GRIA2: variants seen among roughly 807,000 people sequenced by gnomAD.
The protein encoded by GRIA2 is glutamate ionotropic receptor AMPA type subunit 2, also known as glutamate receptor 2.
GRIA2 carries 14 observed loss-of-function variants against 97.3 expected under a neutral mutation model. The observed-to-expected ratio is 0.14, with a 90% CI of 0.10 to 0.23. GRIA2 has a LOEUF of 0.23. Ranked by LOEUF, GRIA2 falls within the 10% of genes least tolerant of loss-of-function variation. The probability of loss-of-function intolerance (pLI) is 1.00; values close to 1 mark genes in which losing one functional copy is unlikely to be tolerated. For missense variants in GRIA2, 558 were observed against 1,069.8 expected, an observed-to-expected ratio of 0.52 and a Z score of 6.67; for synonymous variants, 412 against 387.8, an observed-to-expected ratio of 1.06 and a Z score of -0.73.
At chr4:157,304,965 A>C (rs931508922) in intron 3 of GRIA2, among the ~76,000 whole-genome samples, 3 of 152,114 alleles carry the variant, frequency 2.0e-5, no homozygotes, top group African/African-American at 7.2e-5. Context: ...GCTGAAAAAA[A>C]ATTTGCTGTG....
intron 4 of GRIA2, among the ~76,000 whole-genome samples, chr4:157,316,449 C>T (rs1734323854): frequency 6.6e-6 from 1 of 152,140 alleles, no homozygotes; most frequent in South Asian, 2.1e-4. Context: ...AATAGCATTG[C>T]TCTGGAGCAC....
At chr4:157,272,037 A>G (rs1289222946) in intron 2 of GRIA2, among the ~76,000 whole-genome samples, 1 of 152,134 alleles carries the variant, frequency 6.6e-6, no homozygotes, top group African/African-American at 2.4e-5. Flanking sequence ...AAAATTCAAT[A>G]AACTCTGATA....
chr4:157,363,181 G>C lies in GRIA2; in HGVS notation c.*3+134G>C, dbSNP rs1038748539. Reference sequence around the variant, plus strand: ...TTGTTGACGTTCTTCCATGTTCCCAGTTGGTGACTAACCTGCAGCTCAACT... The same window carrying C: ...TTGTTGACGTTCTTCCATGTTCCCACTTGGTGACTAACCTGCAGCTCAACT... On this transcript the variant is annotated intron_variant, in intron 15 of 15. Coordinates refer to ENST00000264426, the MANE Select transcript of GRIA2 (RefSeq NM_001083619.3). The C allele has an allele frequency of 2.0e-5, 19 of 972,222 alleles. 1 individual carries two copies. The Admixed American group carries it at 4.2e-4, about 21-fold the overall frequency. The allele number at this position is 972,222 out of a possible 1,614,324, so 60.2% of individuals were successfully genotyped here. A position where few individuals can be genotyped will look rare whatever the true frequency, so the allele number is the denominator to read the frequency against.
rs1254151967 is a variant in GRIA2, at chr4:157,365,388, GT to G, written c.*1962del. ...TGTTTCCATATTGTACTTAAAATGA[GT>G]TTTTAAAAGTGAAAAAGAAATGACT... is the stretch of plus-strand genomic sequence containing the variant. On this transcript the variant is annotated 3_prime_UTR_variant, in exon 16 of 16. Transcript: ENST00000264426. 6.6e-6 allele frequency: 1 copy of G among 151,946 alleles called. No individual in the cohort carries two copies. Among genetic ancestry groups the G allele is most frequent in the African/African-American group, 2.4e-5 (1 of 41,380 alleles). 9.4% of individuals were successfully genotyped at this position (151,946 alleles called of 1,614,324 possible).
intron 11 of GRIA2, among the ~76,000 whole-genome samples, chr4:157,338,025 T>TATATATATATATATATATAC (rs1735375327): frequency 2.5e-4 from 3 of 12,040 alleles, no homozygotes; most frequent in African/African-American, 4.1e-4. Context: ...TATATATATA[T>TATATATATATATATATATAC]ATATATATAT....
chr4:157,258,191 G>T (rs1731363912), intron 2 of GRIA2, among the ~76,000 whole-genome samples: 1 of 152,060 alleles, frequency 6.6e-6, no homozygotes, highest in African/African-American at 2.4e-5. Flanking sequence ...CAGGGAACAA[G>T]GGAGATAACT....
At chr4:157,332,756 C>G in intron 6 of GRIA2, 63 bp from the exon 7 acceptor site, 1 of 1,232,844 alleles carries the variant, frequency 8.1e-7, no homozygotes, top group East Asian at 2.4e-5. Flanking sequence ...GTCTTGATTG[C>G]TGGGGTGCAG....
At chr4:157,342,355 C>T in intron 12 of GRIA2, 1 of 985,142 alleles carries the variant, frequency 1.0e-6, no homozygotes, top group Non-Finnish European at 1.2e-6. Context: ...AATAACTTCA[C>T]TTCAGCTGAA....
chr4:157,286,415 A>G (rs1271588065), intron 2 of GRIA2, among the ~76,000 whole-genome samples: 1 of 151,520 alleles, frequency 6.6e-6, no homozygotes, highest in African/African-American at 2.4e-5. Context: ...CAAACTAGTA[A>G]CAAATTATGA....
chr4:157,318,365 G>A, intron 5 of GRIA2, among the ~76,000 whole-genome samples: 1 of 152,070 alleles, frequency 6.6e-6, no homozygotes, highest in South Asian at 2.1e-4. Context: ...AGAATATTGA[G>A]ATATTATGCA....
intron 2 of GRIA2, among the ~76,000 whole-genome samples, chr4:157,288,298 C>G (rs556746133): frequency 9.9e-5 from 15 of 151,666 alleles, no homozygotes; most frequent in African/African-American, 3.6e-4. Context: ...CAGCCAAAAC[C>G]AAAACCAGTT....
At chr4:157,258,905 A>AAAAAATTG (rs1449874916) in intron 2 of GRIA2, among the ~76,000 whole-genome samples, 3 of 152,044 alleles carry the variant, frequency 2.0e-5, no homozygotes, top group Non-Finnish European at 4.4e-5. Context: ...AAGAAACAGA[A>AAAAAATTG]AAAAATTGTA....
intron 2 of GRIA2, among the ~76,000 whole-genome samples, chr4:157,287,496 A>G (rs1732897814): frequency 6.6e-6 from 1 of 151,394 alleles, no homozygotes; most frequent in Non-Finnish European, 1.5e-5. Flanking sequence ...TCCTGGTTGG[A>G]GGGTATGTTT....
intron 2 of GRIA2, among the ~76,000 whole-genome samples, chr4:157,231,679 G>A (rs1417748656): frequency 6.6e-6 from 1 of 152,170 alleles, no homozygotes; most frequent in East Asian, 1.9e-4. Flanking sequence ...TAGTAAAGTT[G>A]TCTGTTGCTT....
intron 2 of GRIA2, among the ~76,000 whole-genome samples, chr4:157,222,476 G>A (rs1729544019): frequency 6.6e-6 from 1 of 152,162 alleles, no homozygotes; most frequent in South Asian, 2.1e-4. Context: ...TGGCGTGGGG[G>A]TGGGGCGGGG....
At chr4:157,260,585 C>T (rs1392352199) in intron 2 of GRIA2, among the ~76,000 whole-genome samples, 1 of 152,028 alleles carries the variant, frequency 6.6e-6, no homozygotes, top group Non-Finnish European at 1.5e-5. Context: ...CACTTTCTCT[C>T]ACATGTCATT....
At chr4:157,311,484 A>G (rs1214310384) in intron 3 of GRIA2, among the ~76,000 whole-genome samples, 1 of 151,978 alleles carries the variant, frequency 6.6e-6, no homozygotes, top group Non-Finnish European at 1.5e-5. Flanking sequence ...CCAATATTGA[A>G]TCCATAAAAT....
intron 2 of GRIA2, chr4:157,249,879 T>C (rs1371288332): frequency 6.6e-6 from 1 of 152,196 alleles, no homozygotes; most frequent in Non-Finnish European, 1.5e-5. Context: ...GCTGTGTCTT[T>C]CTTATAAGTA....
chr4:157,333,368 A>G lies in GRIA2; in HGVS notation c.1155+15A>G, dbSNP rs202046143. 2 of 1,385,122 alleles carry G rather than the reference A, an allele frequency of 1.4e-6. No homozygotes were observed. The highest frequency in any genetic ancestry group is 2.0e-6 in the Non-Finnish European group (2 of 990,932). The allele number at this position is 1,385,122 out of a possible 1,614,324, so 85.8% of individuals were successfully genotyped here. A position where few individuals can be genotyped will look rare whatever the true frequency, so the allele number is the denominator to read the frequency against. On this transcript the variant is annotated intron_variant, in intron 8 of 15. Transcript: ENST00000264426. ...GGCCCCGGAAGGTAAATCCTTAGTG[A>G]TTTAAAGGCAGTTCTATGTGAGGAG...
Sources: gnomAD v4.1 joint callset for allele counts (sites outside exome capture counted in the v4.1 genomes callset) on GRCh38, gnomAD v4.1.1 for gene constraint, MANE v1.5 for transcripts, NCBI Gene and HGNC (gene_info 2026-07-23, HGNC 2026-07-21) for gene names.